COL4A3: variants seen among roughly 807,000 people sequenced by gnomAD.
COL4A3 encodes collagen type IV alpha 3 chain, also known as collagen alpha-3(IV) chain.
A neutral mutation model predicts 217.4 loss-of-function variants in COL4A3; 135 were observed. The ratio of observed to expected loss-of-function variants is 0.62; its 90% CI spans 0.54 to 0.72. The LOEUF is 0.72. Among genes scored for constraint, COL4A3 ranks in the 30% least tolerant of loss-of-function variants. The probability of loss-of-function intolerance (pLI) is 0.00; values close to 1 mark genes in which losing one functional copy is unlikely to be tolerated. For synonymous variants in COL4A3, 690 were observed against 736.3 expected, an observed-to-expected ratio of 0.94 and a Z score of 1.02; for missense variants, 1,868 against 2,119.9, an observed-to-expected ratio of 0.88 and a Z score of 2.33.
Position 227,294,539 on chromosome 2 carries a change from C to T in COL4A3, c.3387C>T (p.Leu1129=), listed in dbSNP as rs1173229912. 1.2e-6 allele frequency: 2 copies of T among 1,613,690 alleles called. No individual in the cohort carries two copies. Among genetic ancestry groups the T allele is most frequent in the Non-Finnish European group, 1.7e-6 (2 of 1,179,716 alleles). ...GDLGFKGIKG[L]LGPPGIRGPP... ...TGGGTTTTAAAGGAATCAAAGGCCT[C>T]CTGGGCCCTCCAGGAATCAGAGGCC... is the stretch of plus-strand genomic sequence containing the variant. Residue 1129 remains leucine (L), a synonymous_variant, in exon 39 of 52, where the codon CTC becomes CTT. Coordinates refer to ENST00000396578, the MANE Select transcript of COL4A3 (RefSeq NM_000091.5).
intron 29 of COL4A3, among the ~76,000 whole-genome samples, chr2:227,280,156 A>G (rs1445952910): frequency 6.6e-6 from 1 of 152,242 alleles, no homozygotes; most frequent in Admixed American, 6.5e-5. Context: ...GGACAACTCT[A>G]GAAAGAAATG....
chr2:227,251,397 C>T (rs772631289), intron 11 of COL4A3, 26 bp downstream of exon 11: 4 of 1,608,274 alleles, frequency 2.5e-6, no homozygotes, highest in South Asian at 2.2e-5. Context: ...TATGATGTAA[C>T]AGCTAGCACA....
chr2:227,237,629 C>A, intron 1 of COL4A3: 1 of 278,914 alleles, frequency 3.6e-6, no homozygotes, highest in South Asian at 3.6e-5. Context: ...AAAAGGATAG[C>A]TTTGTCGTTT....
intron 1 of COL4A3, among the ~76,000 whole-genome samples, chr2:227,228,951 A>G (rs11884740): frequency 0.18 from 27,466 of 151,926 alleles, 2,622 homozygotes; most frequent in Middle Eastern, 0.24. Flanking sequence ...TATCCTATGA[A>G]CTCTTCTAAG....
At chr2:227,266,087 A>G (rs879944914) in intron 21 of COL4A3, among the ~76,000 whole-genome samples, 1 of 152,184 alleles carries the variant, frequency 6.6e-6, no homozygotes, top group Non-Finnish European at 1.5e-5. Context: ...ATAGAACTAC[A>G]ATTCAAGATG....
At chr2:227,298,874 T>C in intron 43 of COL4A3, 62 bp downstream of exon 43, 1 of 1,393,162 alleles carries the variant, frequency 7.2e-7, no homozygotes. Context: ...ATTATTCTTA[T>C]ATTGTATATT....
Position 227,253,488 on chromosome 2 carries a change from C to A in COL4A3, c.688-73C>A, listed in dbSNP as rs1324320579. The stretch of plus-strand genomic sequence containing the variant: ...TAAGCACTAAAGGGGAAAAGTAGAC[C>A]TTTCAAACGTAGTAACATTGAAATG... On this transcript the variant is annotated intron_variant, in intron 12 of 51. Coordinates refer to ENST00000396578, the MANE Select transcript of COL4A3 (RefSeq NM_000091.5). The surrounding 1 kb of genome is among the most constrained non-coding windows in gnomAD (Gnocchi z 4.4). 2 of 1,435,980 alleles carry A rather than the reference C, an allele frequency of 1.4e-6. No individual in the cohort carries two copies. Among genetic ancestry groups the A allele is most frequent in the Non-Finnish European group, 2.0e-6 (2 of 1,017,660 alleles). 89.0% of individuals were successfully genotyped at this position (1,435,980 alleles called of 1,614,324 possible). A position where few individuals can be genotyped will look rare whatever the true frequency, so the allele number is the denominator to read the frequency against.
At chr2:227,269,799 GTCTT>G in intron 23 of COL4A3, 107 bp from the exon 24 acceptor site, 1 of 844,318 alleles carries the variant, frequency 1.2e-6, no homozygotes, top group Non-Finnish European at 2.0e-6. Flanking sequence ...GATAGAAGTT[GTCTT>G]TCTTTCCCCA....
At position 227,290,929 on chromosome 2, in the gene COL4A3, A is replaced by G. The variant is rs755395139; in HGVS notation, c.3210+43A>G. The G allele has an allele frequency of 1.9e-6, 3 of 1,584,262 alleles. No homozygotes were observed. In the Admixed American group the frequency reaches 5.3e-5, roughly 28 times the overall value. On this transcript the variant is annotated intron_variant, in intron 37 of 51. Transcript: ENST00000396578. ...ATATTTACATTTTAGTGGTGGAGTG[A>G]GTGCCTTGAAAAATATCAACAAGTA...
intron 27 of COL4A3, 45 bp downstream of exon 27, chr2:227,276,522 C>CA (rs1426851503): frequency 1.5e-6 from 2 of 1,362,044 alleles, no homozygotes; most frequent in Non-Finnish European, 2.1e-6. Context: ...CAGACACACA[C>CA]AACACCCTGA....
Position 227,283,777 on chromosome 2 carries a change from A to T in COL4A3, c.2667A>T (p.Gly889=), listed in dbSNP as rs1386303564. The T allele has an allele frequency of 6.2e-7, 1 of 1,614,064 alleles. No homozygotes were observed. The highest frequency in any genetic ancestry group is 2.2e-5 in the East Asian group (1 of 44,878). The change falls in exon 33 of 52, where the codon GGA becomes GGT. Residue 889 remains glycine (G), a synonymous_variant. Transcript: ENST00000396578. ...AATTTGTTTCCATAGGTGAAGATGG[A>T]GTGATTGGGATGATGGGCTTTCCTG... The part of the protein sequence containing the change: ...PGILGPPGED[G]VIGMMGFPGA...
In COL4A3 at chr2:227,282,388, A is replaced by C; in HGVS notation, c.2512A>C (p.Lys838Gln). The C allele has an allele frequency of 6.2e-7, 1 of 1,613,570 alleles. No homozygotes were observed. The highest frequency in any genetic ancestry group is 8.5e-7 in the Non-Finnish European group (1 of 1,179,894). The change falls in exon 32 of 52, where the codon AAG becomes CAG. Residue 838 changes from lysine (K) to glutamine (Q), a missense_variant. This residue lies in a region of COL4A3 where 1,503 missense variants were observed against 1,786.1 expected (regional missense o/e 0.84). Transcript: ENST00000396578. The surrounding 1 kb of genome is among the most constrained non-coding windows in gnomAD (Gnocchi z 4.4). ...QQGRRGKTGP[K>Q]GDPGIPGLDR... ...AGGCAGAAGAGGTAAAACGGGGCCA[A>C]AGGGAGACCCAGGAATTCCAGGCTT...
intron 32 of COL4A3, among the ~76,000 whole-genome samples, chr2:227,283,472 G>C (rs2072111291): frequency 6.6e-6 from 1 of 152,200 alleles, no homozygotes; most frequent in South Asian, 2.1e-4. Flanking sequence ...AAAGTGAAGG[G>C]ATAGAATAGA....
chr2:227,210,418 C>G (rs1413291227), intron 1 of COL4A3, among the ~76,000 whole-genome samples: 6 of 150,450 alleles, frequency 4.0e-5, no homozygotes, highest in Non-Finnish European at 8.9e-5. Context: ...TGGTGAAACC[C>G]CATCTCTACT....
At chr2:227,254,784 G>T in intron 15 of COL4A3, 69 bp downstream of exon 15, 1 of 1,120,872 alleles carries the variant, frequency 8.9e-7, no homozygotes. Flanking sequence ...TAGGTTACAG[G>T]AACAAGATGC....
At chr2:227,267,160 T>C (rs1193740396) in intron 23 of COL4A3, 72 bp downstream of exon 23, 2 of 1,068,964 alleles carry the variant, frequency 1.9e-6, no homozygotes, top group Non-Finnish European at 2.9e-6. Context: ...AATAAAGGCA[T>C]TGGATTGGTG....
In COL4A3 at chr2:227,303,882, C is replaced by T. The variant is rs763336358; in HGVS notation, c.3979C>T (p.Leu1327=). 6.2e-7 allele frequency: 1 copy of T among 1,614,066 alleles called. No homozygotes were observed. Among genetic ancestry groups the T allele is most frequent in the Non-Finnish European group, 8.5e-7 (1 of 1,179,978 alleles). ...VKGEKGNPGF[L]GSIGPPGPIG... is the part of the protein sequence containing the mutation. ...AGGAGAAAAGGGTAATCCTGGATTT[C>T]TAGGATCCATTGGACCTCCAGGACC... The change falls in exon 45 of 52, where the codon CTA becomes TTA. Residue 1327 remains leucine, a synonymous_variant. Transcript: ENST00000396578.
intron 3 of COL4A3, 99 bp downstream of exon 3, chr2:227,240,331 G>A (rs1192923695): frequency 5.2e-6 from 6 of 1,152,596 alleles, no homozygotes; most frequent in Non-Finnish European, 7.7e-6. Flanking sequence ...CCACATCTTA[G>A]CCAACTGCTA....
intron 29 of COL4A3, 121 bp from the exon 30 acceptor site, chr2:227,280,319 A>C (rs2071873529): frequency 9.0e-7 from 1 of 1,107,376 alleles, no homozygotes. Context: ...GAGCTCAAAA[A>C]GGAAAGTTGA....
Sources: gnomAD v4.1 joint callset for allele counts (sites outside exome capture counted in the v4.1 genomes callset) on GRCh38, gnomAD v4.1.1 for gene constraint, gnomAD v4.1.1 regional missense constraint, Gnocchi (gnomAD v3.1) non-coding constraint, MANE v1.5 for transcripts, NCBI Gene and HGNC (gene_info 2026-07-23, HGNC 2026-07-21) for gene names.